Variants in TMTC1 observed in about 807,000 individuals in gnomAD.
TMTC1 encodes transmembrane O-mannosyltransferase targeting cadherins 1.
A neutral mutation model predicts 104.8 loss-of-function variants in TMTC1; 73 were observed. That is an observed-to-expected ratio of 0.70 (90% confidence interval 0.58 to 0.85). TMTC1 has a LOEUF of 0.85. Ranked by LOEUF, TMTC1 falls within the 40% of genes least tolerant of loss-of-function variation. The pLI, the probability that TMTC1 is intolerant of heterozygous loss-of-function variation, is 0.00. For missense variants in TMTC1, 1,035 were observed against 1,096.1 expected, an observed-to-expected ratio of 0.94 and a Z score of 0.79; for synonymous variants, 434 against 428.7, an observed-to-expected ratio of 1.01 and a Z score of -0.15.
chr12:29,630,801 T>C (rs926285548), intron 6 of TMTC1, among the ~76,000 whole-genome samples: 3 of 152,206 alleles, frequency 2.0e-5, no homozygotes, highest in Non-Finnish European at 4.4e-5. Context: ...GGTAGAGCTG[T>C]TTAATTTTAT....
intron 5 of TMTC1, among the ~76,000 whole-genome samples, chr12:29,689,174 G>A (rs1352989936): frequency 1.3e-5 from 2 of 152,074 alleles, no homozygotes; most frequent in African/African-American, 4.8e-5. Context: ...AGGCAACTTT[G>A]TAGAGCCATC....
At chr12:29,645,587 A>G (rs117169950) in intron 5 of TMTC1, among the ~76,000 whole-genome samples, 2,224 of 152,314 alleles carry the variant, frequency 0.015, 13 homozygotes, top group Middle Eastern at 0.037. Context: ...TCTTACCCAT[A>G]TATCTGCAAA....
chr12:29,725,014 C>G (rs10843498), intron 5 of TMTC1, among the ~76,000 whole-genome samples: 1 of 90,402 alleles, frequency 1.1e-5, no homozygotes, highest in African/African-American at 4.8e-5. Flanking sequence ...CTGCCAAGTT[C>G]TTTTTTTTTT....
At chr12:29,569,751 A>AT (rs1429655115) in intron 9 of TMTC1, among the ~76,000 whole-genome samples, 2 of 152,248 alleles carry the variant, frequency 1.3e-5, no homozygotes, top group African/African-American at 4.8e-5. Flanking sequence ...CACAAAAATG[A>AT]TATTTTTAAC....
rs193125239 is a variant in TMTC1, at chr12:29,578,924, C to T, written c.1418+4483G>A. Among the ~76,000 whole-genome samples the T allele has an allele frequency of 7.2e-5, 11 of 152,324 alleles. No individual in the cohort carries two copies. In the East Asian group the frequency reaches 2.1e-3, roughly 29 times the overall value. On this transcript the variant is annotated intron_variant, in intron 8 of 17. Coordinates refer to ENST00000539277, the MANE Select transcript of TMTC1 (RefSeq NM_001193451.2). ...CAGGATGGATAGTACTTATGGAATG[C>T]TTACTTTAAATCAAGTGCTGGGCTA... is the stretch of plus-strand genomic sequence containing the variant.
intron 5 of TMTC1, among the ~76,000 whole-genome samples, chr12:29,724,158 A>G (rs1303713763): frequency 1.3e-5 from 2 of 152,232 alleles, no homozygotes; most frequent in Non-Finnish European, 2.9e-5. Context: ...CTATGTGATC[A>G]ATCTCATTAG....
At position 29,719,691 on chromosome 12, in the gene TMTC1, G is replaced by C. The variant is rs181946288; in HGVS notation, c.938+31975C>G. Among the ~76,000 whole-genome samples the C allele has an allele frequency of 3.2e-3, 493 of 152,252 alleles. 2 individuals carry two copies. Among genetic ancestry groups the C allele is most frequent in the African/African-American group, 0.011 (468 of 41,532 alleles). ...TATTCTGCAATGCCTGCAAGGCCAC[G>C]GACTTTTTAGAAAGCTCAACTACGA... On this transcript the variant is annotated intron_variant, in intron 5 of 17. Coordinates refer to ENST00000539277, the MANE Select transcript of TMTC1 (RefSeq NM_001193451.2).
chr12:29,694,250 T>A (rs886297037), intron 5 of TMTC1, among the ~76,000 whole-genome samples: 16 of 152,198 alleles, frequency 1.1e-4, no homozygotes, highest in Non-Finnish European at 1.8e-4. Flanking sequence ...ATGATTTGCA[T>A]CATTAACACA....
chr12:29,601,009 C>T (rs748635564), intron 7 of TMTC1, among the ~76,000 whole-genome samples: 1 of 152,194 alleles, frequency 6.6e-6, no homozygotes, highest in African/African-American at 2.4e-5. Flanking sequence ...GCAAATGAAG[C>T]AAAACCGAGG....
intron 8 of TMTC1, among the ~76,000 whole-genome samples, chr12:29,572,491 T>C (rs552501323): frequency 3.9e-5 from 6 of 152,322 alleles, no homozygotes; most frequent in Non-Finnish European, 5.9e-5. Context: ...CATATAAACA[T>C]AGGACCTTTG....
intron 5 of TMTC1, among the ~76,000 whole-genome samples, chr12:29,710,900 ATAT>A (rs1370972752): frequency 5.7e-5 from 3 of 52,606 alleles, no homozygotes; most frequent in South Asian, 1.1e-3. Context: ...ATATATAAAT[ATAT>A]TAATAATATA....
At chr12:29,636,104 T>C (rs561979581) in intron 5 of TMTC1, among the ~76,000 whole-genome samples, 15 of 152,286 alleles carry the variant, frequency 9.8e-5, no homozygotes, top group African/African-American at 3.6e-4. Context: ...CATACTAACA[T>C]ACACACATAT....
intron 5 of TMTC1, among the ~76,000 whole-genome samples, chr12:29,727,726 C>T (rs1354609908): frequency 6.6e-6 from 1 of 152,162 alleles, no homozygotes; most frequent in African/African-American, 2.4e-5. Flanking sequence ...TGTTTTCCTT[C>T]CCATTCACAG....
chr12:29,672,806 T>C (rs754728744), intron 5 of TMTC1, among the ~76,000 whole-genome samples: 2 of 152,168 alleles, frequency 1.3e-5, no homozygotes, highest in African/African-American at 2.4e-5. Context: ...CTGAAATAGA[T>C]CACTTGGCTG....
chr12:29,561,856 C>T (rs1177093461), intron 9 of TMTC1, among the ~76,000 whole-genome samples: 1 of 152,092 alleles, frequency 6.6e-6, no homozygotes, highest in Non-Finnish European at 1.5e-5. Flanking sequence ...TCATACCACA[C>T]ATTAATTTAT....
Position 29,517,470 on chromosome 12 carries a change from G to C in TMTC1, c.2126C>G (p.Ala709Gly). The change falls in exon 14 of 18, where the codon GCT (alanine) becomes GGT (glycine). Residue 709 changes from alanine (A) to glycine (G), a missense_variant. Coordinates refer to ENST00000539277, the MANE Select transcript of TMTC1 (RefSeq NM_001193451.2). ...CCTCTGAGAAGGCTGAAGTGCTGCA[G>C]CTTCCTGGTAAATCTGCAAAGCCTC... Reference protein sequence around the residue: ...YEEALQIYQEAAALQPSQREL... With the variant: ...YEEALQIYQEGAALQPSQREL... 1 of 1,614,160 alleles carries C rather than the reference G, an allele frequency of 6.2e-7. No homozygotes were observed. Among genetic ancestry groups the C allele is most frequent in the South Asian group, 1.1e-5 (1 of 91,088 alleles).
chr12:29,756,709 C>A (rs990299075), intron 3 of TMTC1, among the ~76,000 whole-genome samples: 5 of 152,204 alleles, frequency 3.3e-5, no homozygotes, highest in Non-Finnish European at 7.3e-5. Flanking sequence ...TTCCCTTCAA[C>A]AGGTACCACA....
At position 29,502,621 on chromosome 12, in the gene TMTC1, T is replaced by A. The variant is rs577696305; in HGVS notation, c.*4225A>T. The A allele has an allele frequency of 1.3e-5, 2 of 152,298 alleles. No homozygotes were observed. The highest frequency in any genetic ancestry group is 4.8e-5 in the African/African-American group (2 of 41,568). 9.4% of individuals were successfully genotyped at this position (152,298 alleles called of 1,614,324 possible). A position where few individuals can be genotyped will look rare whatever the true frequency, so the allele number is the denominator to read the frequency against. ...AAAACCACCCCACATAACCACCTATTTGTAATCATGGAATGATAGCCTCAA... is the reference window on the plus strand; with the variant it reads ...AAAACCACCCCACATAACCACCTATATGTAATCATGGAATGATAGCCTCAA... On this transcript the variant is annotated 3_prime_UTR_variant, in exon 18 of 18. Coordinates refer to ENST00000539277, the MANE Select transcript of TMTC1 (RefSeq NM_001193451.2).
At chr12:29,762,241 T>C (rs546590925) in intron 2 of TMTC1, among the ~76,000 whole-genome samples, 29 of 152,318 alleles carry the variant, frequency 1.9e-4, no homozygotes, top group South Asian at 4.1e-4. Context: ...TAGACTGCTC[T>C]TGCCATCTGA....
Sources: gnomAD v4.1 joint callset for allele counts (sites outside exome capture counted in the v4.1 genomes callset) on GRCh38, gnomAD v4.1.1 for gene constraint, MANE v1.5 for transcripts, NCBI Gene and HGNC (gene_info 2026-07-23, HGNC 2026-07-21) for gene names.